Variants in NALCN observed in about 807,000 individuals in gnomAD.
NALCN encodes sodium leak channel, non-selective.
NALCN carries 111 observed loss-of-function variants against 225.3 expected under a neutral mutation model. The ratio of observed to expected loss-of-function variants is 0.49; its 90% CI spans 0.42 to 0.58. The LOEUF is 0.58. Among genes scored for constraint, NALCN ranks in the 20% least tolerant of loss-of-function variants. The pLI is 0.00. For synonymous variants in NALCN, 764 were observed against 769.0 expected (o/e 0.99, Z 0.11); for missense variants, 1,378 against 2,202.4 (o/e 0.63, Z 7.49).
chr13:101,240,830 T>C (rs529179523), intron 11 of NALCN, among the ~76,000 whole-genome samples: 22 of 152,330 alleles, frequency 1.4e-4, no homozygotes, highest in African/African-American at 4.6e-4. Context: ...CAAAAGCTCC[T>C]GATGTTAACC....
intron 15 of NALCN, among the ~76,000 whole-genome samples, chr13:101,164,384 C>G (rs1407201912): frequency 2.0e-5 from 3 of 152,110 alleles, no homozygotes; most frequent in Non-Finnish European, 4.4e-5. Context: ...CTTGACCTCC[C>G]AGGCTCAAGT....
At chr13:101,181,839 T>C (rs1447342413) in intron 14 of NALCN, among the ~76,000 whole-genome samples, 2 of 152,096 alleles carry the variant, frequency 1.3e-5, no homozygotes, top group African/African-American at 2.4e-5. Flanking sequence ...TTATTAGATA[T>C]ATAATGTTTT....
At chr13:101,090,209 A>G (rs2034156344) in intron 28 of NALCN, among the ~76,000 whole-genome samples, 1 of 152,146 alleles carries the variant, frequency 6.6e-6, no homozygotes, top group South Asian at 2.1e-4. Flanking sequence ...AATGTGTTAT[A>G]ATTGATTGTG....
intron 6 of NALCN, 75 bp downstream of exon 6, chr13:101,376,625 G>T: frequency 6.7e-7 from 1 of 1,489,782 alleles, no homozygotes; most frequent in Non-Finnish European, 9.0e-7. Context: ...CTGACATAGA[G>T]GTTATTCTTA....
At chr13:101,102,288 A>G (rs1435126427) in intron 26 of NALCN, among the ~76,000 whole-genome samples, 1 of 152,096 alleles carries the variant, frequency 6.6e-6, no homozygotes, top group Non-Finnish European at 1.5e-5. Context: ...GTCTCAAAAA[A>G]AAAGAAAAAA....
intron 13 of NALCN, among the ~76,000 whole-genome samples, chr13:101,195,936 A>T (rs1479248780): frequency 2.6e-5 from 4 of 152,104 alleles, no homozygotes; most frequent in African/African-American, 9.7e-5. Context: ...TTTTTCTATC[A>T]TAATTGGGTC....
At chr13:101,232,860 C>T (rs1055598357) in intron 12 of NALCN, among the ~76,000 whole-genome samples, 1 of 152,026 alleles carries the variant, frequency 6.6e-6, no homozygotes, top group African/African-American at 2.4e-5. Context: ...TATTAACATT[C>T]GTATTAATTT....
At chr13:101,328,016 G>A (rs77522903) in intron 7 of NALCN, among the ~76,000 whole-genome samples, 18 of 152,194 alleles carry the variant, frequency 1.2e-4, no homozygotes, top group African/African-American at 3.6e-4. Flanking sequence ...AGGGAGTTGC[G>A]ATAAAACTTT....
intron 15 of NALCN, among the ~76,000 whole-genome samples, chr13:101,155,897 T>C (rs889066468): frequency 1.6e-4 from 25 of 152,206 alleles, no homozygotes; most frequent in African/African-American, 5.1e-4. Flanking sequence ...AGTTTCCTAA[T>C]GGCAATTTTC....
At position 101,107,767 on chromosome 13, in the gene NALCN, C is replaced by G; in HGVS notation, c.2387G>C (p.Arg796Thr). The G allele has an allele frequency of 6.2e-7, 1 of 1,613,546 alleles. No individual in the cohort carries two copies. Among genetic ancestry groups the G allele is most frequent in the Non-Finnish European group, 8.5e-7 (1 of 1,179,806 alleles). Residue 796 changes from arginine to threonine, a missense_variant, in exon 21 of 44, where the codon AGA becomes ACA. Coordinates refer to ENST00000251127, the MANE Select transcript of NALCN (RefSeq NM_052867.4). Reference protein sequence around the residue: ...TQDHSNTVRYRNAQREDSEIK... With the variant: ...TQDHSNTVRYTNAQREDSEIK... ...TTCACTGTCTTCTCTTTGTGCATTT[C>G]TATATCTCACTGTATTGGAATGCTA... is the stretch of plus-strand genomic sequence containing the variant.
chr13:101,384,010 C>G (rs188926477), intron 3 of NALCN, among the ~76,000 whole-genome samples: 1 of 152,042 alleles, frequency 6.6e-6, no homozygotes, highest in Admixed American at 6.6e-5. Context: ...GCAATACAAT[C>G]TTGGATTATG....
At chr13:101,305,446 T>C (rs2044123577) in intron 7 of NALCN, among the ~76,000 whole-genome samples, 1 of 152,264 alleles carries the variant, frequency 6.6e-6, no homozygotes, top group Admixed American at 6.5e-5. Context: ...TTTTATCATC[T>C]ACATAGACAT....
At chr13:101,115,075 C>T (rs758417990) in intron 18 of NALCN, among the ~76,000 whole-genome samples, 1 of 152,112 alleles carries the variant, frequency 6.6e-6, no homozygotes, top group South Asian at 2.1e-4. Flanking sequence ...CCGTGAAGAT[C>T]AAATATTTTC....
intron 40 of NALCN, 143 bp from the exon 41 acceptor site, chr13:101,062,261 G>A (rs2032014848): frequency 2.3e-6 from 2 of 854,426 alleles, no homozygotes; most frequent in South Asian, 3.5e-5. Flanking sequence ...GCATGTCTTG[G>A]GCTGGTCCTG....
At chr13:101,306,768 G>A (rs1230150012) in intron 7 of NALCN, among the ~76,000 whole-genome samples, 8 of 152,344 alleles carry the variant, frequency 5.3e-5, no homozygotes, top group East Asian at 1.9e-4. Context: ...CAGAAAGCGA[G>A]TTAAGCCATT....
chr13:101,362,979 C>T (rs549238475), intron 6 of NALCN, among the ~76,000 whole-genome samples: 2 of 151,894 alleles, frequency 1.3e-5, no homozygotes, highest in South Asian at 2.1e-4. Context: ...GAAAGCAATG[C>T]CATTTACAAT....
chr13:101,218,570 T>C (rs1265769736), intron 13 of NALCN, among the ~76,000 whole-genome samples: 4 of 152,086 alleles, frequency 2.6e-5, no homozygotes, highest in African/African-American at 4.8e-5. Context: ...ATCCCCAATA[T>C]TGGAGGTGGG....
At chr13:101,173,569 T>C (rs2038836078) in intron 15 of NALCN, among the ~76,000 whole-genome samples, 1 of 152,104 alleles carries the variant, frequency 6.6e-6, no homozygotes, top group African/African-American at 2.4e-5. Flanking sequence ...AAACACTTGA[T>C]ACTGAGCAAG....
intron 6 of NALCN, among the ~76,000 whole-genome samples, chr13:101,366,133 G>C (rs1345309300): frequency 1.3e-5 from 2 of 152,064 alleles, no homozygotes; most frequent in African/African-American, 4.8e-5. Context: ...ACAAGCCATT[G>C]CTCTCCTCAA....
Sources: gnomAD v4.1 joint callset for allele counts (sites outside exome capture counted in the v4.1 genomes callset) on GRCh38, gnomAD v4.1.1 for gene constraint, MANE v1.5 for transcripts, NCBI Gene and HGNC (gene_info 2026-07-23, HGNC 2026-07-21) for gene names.